Variants in SNTG1 observed in about 807,000 individuals in gnomAD.
SNTG1 encodes gamma-1-syntrophin.
A neutral mutation model predicts 74.7 loss-of-function variants in SNTG1; 39 were observed. The observed-to-expected ratio is 0.52, with a 90% CI of 0.40 to 0.68. SNTG1 has a LOEUF of 0.68. Among genes scored for constraint, SNTG1 ranks in the 30% least tolerant of loss-of-function variants. SNTG1 has a pLI of 0.00. For missense variants in SNTG1, 685 were observed against 609.5 expected (o/e 1.12, Z -1.30); for synonymous variants, 254 against 217.1 (o/e 1.17, Z -1.49).
intron 1 of SNTG1, among the ~76,000 whole-genome samples, chr8:49,928,021 C>T (rs530594954): frequency 8.6e-5 from 13 of 151,322 alleles, no homozygotes; most frequent in African/African-American, 2.9e-4. Context: ...CCCAGCTACT[C>T]GGGGGGCTGA....
intron 1 of SNTG1, among the ~76,000 whole-genome samples, chr8:50,146,899 T>C: frequency 6.6e-6 from 1 of 152,154 alleles, no homozygotes; most frequent in East Asian, 1.9e-4. Context: ...GATTTTTTTA[T>C]ACATTCTGGA....
intron 11 of SNTG1, among the ~76,000 whole-genome samples, chr8:50,537,850 C>A (rs1019038782): frequency 2.6e-5 from 4 of 152,104 alleles, no homozygotes; most frequent in African/African-American, 4.8e-5. Context: ...AATGAGCACA[C>A]CTTTGTTCCA....
At chr8:50,206,580 C>G (rs2084249548) in intron 2 of SNTG1, among the ~76,000 whole-genome samples, 1 of 152,146 alleles carries the variant, frequency 6.6e-6, no homozygotes, top group South Asian at 2.1e-4. Context: ...CCTGATTGCC[C>G]TGGCCAGAAC....
At chr8:50,298,424 T>C (rs1263338128) in intron 2 of SNTG1, among the ~76,000 whole-genome samples, 3 of 152,124 alleles carry the variant, frequency 2.0e-5, no homozygotes. Context: ...GAAGCTGCCT[T>C]ATTCCCTTTG....
intron 2 of SNTG1, among the ~76,000 whole-genome samples, chr8:50,280,769 T>C (rs538699477): frequency 4.6e-5 from 7 of 152,242 alleles, no homozygotes; most frequent in East Asian, 3.9e-4. Flanking sequence ...TGAAGTCTCA[T>C]AGGTGGCCAC....
At chr8:50,550,991 C>T (rs2094422493) in intron 11 of SNTG1, among the ~76,000 whole-genome samples, 1 of 152,020 alleles carries the variant, frequency 6.6e-6, no homozygotes, top group South Asian at 2.1e-4. Flanking sequence ...ATGGATTATT[C>T]AAGGGAATAT....
chr8:50,785,712 A>G (rs959836178), intron 18 of SNTG1, among the ~76,000 whole-genome samples: 9 of 151,844 alleles, frequency 5.9e-5, no homozygotes, highest in Admixed American at 2.6e-4. Context: ...CCATCAGATG[A>G]AAAGAAAGCC....
At chr8:49,913,463 T>C (rs1805753561) in intron 1 of SNTG1, among the ~76,000 whole-genome samples, 1 of 152,170 alleles carries the variant, frequency 6.6e-6, no homozygotes. Context: ...TGTCCTCTTG[T>C]TTTATGTTGG....
At chr8:50,229,161 T>C (rs1259420409) in intron 2 of SNTG1, among the ~76,000 whole-genome samples, 2 of 151,212 alleles carry the variant, frequency 1.3e-5, no homozygotes, top group Non-Finnish European at 3.0e-5. Context: ...GGAGATAAAA[T>C]GCTCAATTAA....
At chr8:50,770,602 G>T (rs1321033855) in intron 18 of SNTG1, among the ~76,000 whole-genome samples, 1 of 152,020 alleles carries the variant, frequency 6.6e-6, no homozygotes, top group Admixed American at 6.6e-5. Context: ...TCCTAGAGAA[G>T]TCAATTTGCA....
chr8:50,499,793 T>C (rs950553057), intron 8 of SNTG1, among the ~76,000 whole-genome samples: 8 of 152,042 alleles, frequency 5.3e-5, no homozygotes, highest in Non-Finnish European at 1.0e-4. Flanking sequence ...ACTTAGGTTT[T>C]TATGTGGTTA....
At chr8:50,676,897 G>C (rs995069958) in intron 15 of SNTG1, among the ~76,000 whole-genome samples, 2 of 151,626 alleles carry the variant, frequency 1.3e-5, no homozygotes, top group African/African-American at 2.4e-5. Context: ...AATGTGATTT[G>C]GTAATAGAAA....
At chr8:50,607,059 C>G (rs1012855567) in intron 13 of SNTG1, among the ~76,000 whole-genome samples, 1 of 151,734 alleles carries the variant, frequency 6.6e-6, no homozygotes, top group Admixed American at 6.6e-5. Flanking sequence ...TAACGTCTCT[C>G]AAAAAAATCA....
chr8:50,597,723 T>A (rs1191405369), intron 13 of SNTG1, among the ~76,000 whole-genome samples: 5 of 152,076 alleles, frequency 3.3e-5, no homozygotes, highest in African/African-American at 1.2e-4. Context: ...ATTTGTTATT[T>A]TTTTTGTCTT....
chr8:49,944,708 C>T (rs1809008805), intron 1 of SNTG1, among the ~76,000 whole-genome samples: 1 of 151,020 alleles, frequency 6.6e-6, no homozygotes, highest in African/African-American at 2.4e-5. Flanking sequence ...TGCACATGTA[C>T]CCTAAAACAA....
intron 2 of SNTG1, among the ~76,000 whole-genome samples, chr8:50,390,630 G>A (rs540530065): frequency 1.3e-5 from 2 of 152,264 alleles, no homozygotes; most frequent in African/African-American, 2.4e-5. Context: ...GCTTGATAGG[G>A]ATGGCATTGA....
chr8:50,318,625 A>G (rs373018359), intron 2 of SNTG1, among the ~76,000 whole-genome samples: 20 of 152,294 alleles, frequency 1.3e-4, no homozygotes, highest in African/African-American at 4.8e-4. Context: ...TGTGCTTCCA[A>G]TACCACTGGG....
At chr8:50,297,525 G>A (rs1464279005) in intron 2 of SNTG1, among the ~76,000 whole-genome samples, 3 of 151,972 alleles carry the variant, frequency 2.0e-5, no homozygotes, top group Admixed American at 6.6e-5. Flanking sequence ...GCACTTTGGG[G>A]CATTACACAG....
chr8:49,952,590 T>C (rs907102904), intron 1 of SNTG1, among the ~76,000 whole-genome samples: 1 of 152,182 alleles, frequency 6.6e-6, no homozygotes, highest in African/African-American at 2.4e-5. Context: ...TACGTGGTAA[T>C]CCACCCATTA....
Sources: allele counts gnomAD v4.1 joint callset (sites outside exome capture counted in the v4.1 genomes callset), GRCh38; gene constraint gnomAD v4.1.1; transcripts MANE v1.5; gene names NCBI Gene and HGNC (gene_info 2026-07-23, HGNC 2026-07-21).